Variants in NRCAM observed in about 807,000 individuals in gnomAD.
The protein encoded by NRCAM is NgCAM-related cell adhesion molecule.
A neutral mutation model predicts 156.5 loss-of-function variants in NRCAM; 83 were observed. The observed-to-expected ratio is 0.53, with a 90% CI of 0.44 to 0.64. The LOEUF is 0.64. Among genes scored for constraint, NRCAM ranks in the 30% least tolerant of loss-of-function variants. The pLI, the probability that NRCAM is intolerant of heterozygous loss-of-function variation, is 0.00. For missense variants in NRCAM, 1,417 were observed against 1,597.3 expected, an observed-to-expected ratio of 0.89 and a Z score of 1.92; for synonymous variants, 538 against 563.9, an observed-to-expected ratio of 0.95 and a Z score of 0.65.
intron 1 of NRCAM, among the ~76,000 whole-genome samples, chr7:108,421,157 A>T (rs1034824): frequency 2.6e-5 from 4 of 152,192 alleles, no homozygotes; most frequent in African/African-American, 7.2e-5. Context: ...AAAAAAGACT[A>T]TAAGTGTAGA....
chr7:108,439,832 C>CAA (rs34432715), intron 1 of NRCAM, among the ~76,000 whole-genome samples: 19,698 of 70,278 alleles, frequency 0.28, 3,203 homozygotes, highest in Non-Finnish European at 0.31. Flanking sequence ...GACTCCGTCA[C>CAA]AAAAAAAAAA....
At chr7:108,325,781 G>A (rs1293251410) in intron 2 of NRCAM, among the ~76,000 whole-genome samples, 1 of 151,930 alleles carries the variant, frequency 6.6e-6, no homozygotes, top group Non-Finnish European at 1.5e-5. Context: ...CTAAAACAGA[G>A]CATCAGTAAA....
intron 23 of NRCAM, 38 bp from the exon 24 acceptor site, chr7:108,181,975 T>C: frequency 6.9e-7 from 1 of 1,459,102 alleles, no homozygotes; most frequent in Non-Finnish European, 9.6e-7. Flanking sequence ...AGTATCAATG[T>C]TATTTTTAAT....
chr7:108,270,284 A>G (rs1395520511), intron 3 of NRCAM, among the ~76,000 whole-genome samples: 3 of 152,228 alleles, frequency 2.0e-5, no homozygotes. Context: ...AGGGTTTGCC[A>G]TAAGAAAACT....
At chr7:108,314,570 A>G (rs146953765) in intron 2 of NRCAM, among the ~76,000 whole-genome samples, 1 of 152,330 alleles carries the variant, frequency 6.6e-6, no homozygotes, top group African/African-American at 2.4e-5. Context: ...AGTACACATA[A>G]CAAATCAATT....
chr7:108,276,561 C>CT (rs376238776), intron 3 of NRCAM, among the ~76,000 whole-genome samples: 4,418 of 145,040 alleles, frequency 0.03, 86 homozygotes, highest in African/African-American at 0.043. Flanking sequence ...GTAACTCCTG[C>CT]TTTTTTTTTT....
chr7:108,155,378 C>A (rs1193506942), intron 32 of NRCAM, among the ~76,000 whole-genome samples: 1 of 151,840 alleles, frequency 6.6e-6, no homozygotes, highest in East Asian at 1.9e-4. Context: ...TATGCACCTA[C>A]AAAGTATCCA....
At chr7:108,346,702 C>T (rs923817498) in intron 2 of NRCAM, among the ~76,000 whole-genome samples, 6 of 152,120 alleles carry the variant, frequency 3.9e-5, no homozygotes, top group African/African-American at 1.4e-4. Flanking sequence ...AAACCTGGAG[C>T]CAGGGTACAG....
At chr7:108,451,828 G>C (rs1850730400) in intron 1 of NRCAM, among the ~76,000 whole-genome samples, 1 of 152,170 alleles carries the variant, frequency 6.6e-6, no homozygotes, top group African/African-American at 2.4e-5. Context: ...AATGTGTACA[G>C]AGTTACAATT....
At position 108,240,121 on chromosome 7, in the gene NRCAM, G is replaced by T. The variant is rs926414386; in HGVS notation, c.-57C>A. 6 of 1,276,210 alleles carry T rather than the reference G, an allele frequency of 4.7e-6. No individual in the cohort carries two copies. The highest frequency in any genetic ancestry group is 4.4e-5 in the African/African-American group (3 of 67,682). 79.1% of individuals were successfully genotyped at this position (1,276,210 alleles called of 1,614,324 possible). Reference sequence around the variant, plus strand: ...AATTTCCTTTTCTTCTTTCACAAAAGATTTTGTGAAACGTTGTGTGCAACG... The same window carrying T: ...AATTTCCTTTTCTTCTTTCACAAAATATTTTGTGAAACGTTGTGTGCAACG... On this transcript the variant is annotated 5_prime_UTR_variant, in exon 4 of 33. Transcript: ENST00000379028.
intron 6 of NRCAM, among the ~76,000 whole-genome samples, chr7:108,233,360 G>C (rs749606064): frequency 2.6e-5 from 4 of 152,170 alleles, no homozygotes; most frequent in Non-Finnish European, 4.4e-5. Context: ...GTCACAACCA[G>C]GGCAGGAACT....
intron 2 of NRCAM, among the ~76,000 whole-genome samples, chr7:108,360,750 GT>G (rs1398579415): frequency 6.6e-6 from 1 of 152,132 alleles, no homozygotes; most frequent in East Asian, 1.9e-4. Flanking sequence ...AGAAAGAATA[GT>G]TTTTTCAACA....
chr7:108,451,016 G>A (rs1350311699), intron 1 of NRCAM, among the ~76,000 whole-genome samples: 2 of 152,070 alleles, frequency 1.3e-5, no homozygotes, highest in African/African-American at 2.4e-5. Context: ...GTCAGGGGTT[G>A]AAGACCAGCT....
chr7:108,361,826 G>A (rs1174366956), intron 2 of NRCAM, among the ~76,000 whole-genome samples: 2 of 152,056 alleles, frequency 1.3e-5, no homozygotes, highest in Non-Finnish European at 2.9e-5. Context: ...CATTATATAT[G>A]TATATGTATT....
At chr7:108,342,186 C>A (rs2099291261) in intron 2 of NRCAM, among the ~76,000 whole-genome samples, 1 of 152,222 alleles carries the variant, frequency 6.6e-6, no homozygotes, top group South Asian at 2.1e-4. Context: ...GATTTACTTT[C>A]AGCTGCCCGT....
At chr7:108,409,276 A>G (rs1000032951) in intron 1 of NRCAM, among the ~76,000 whole-genome samples, 9 of 152,248 alleles carry the variant, frequency 5.9e-5, no homozygotes, top group Non-Finnish European at 1.3e-4. Flanking sequence ...TTTCCTAAAT[A>G]GAAATGGATG....
intron 1 of NRCAM, among the ~76,000 whole-genome samples, chr7:108,421,810 T>C (rs764429801): frequency 6.6e-6 from 1 of 152,236 alleles, no homozygotes; most frequent in Non-Finnish European, 1.5e-5. Flanking sequence ...ACAGTTTATT[T>C]TGAGAACTCT....
chr7:108,447,284 T>A (rs1209994199), intron 1 of NRCAM, among the ~76,000 whole-genome samples: 10 of 128,328 alleles, frequency 7.8e-5, no homozygotes, highest in African/African-American at 1.8e-4. Flanking sequence ...TTTTTTTTTT[T>A]AGACAGCGTC....
intron 2 of NRCAM, among the ~76,000 whole-genome samples, chr7:108,358,847 G>A (rs2099527574): frequency 6.6e-6 from 1 of 152,206 alleles, no homozygotes; most frequent in Non-Finnish European, 1.5e-5. Flanking sequence ...ACTGCCAGAT[G>A]AGGACATCAC....
Sources: gnomAD v4.1 joint callset for allele counts (sites outside exome capture counted in the v4.1 genomes callset) on GRCh38, gnomAD v4.1.1 for gene constraint, MANE v1.5 for transcripts, NCBI Gene and HGNC (gene_info 2026-07-23, HGNC 2026-07-21) for gene names.